Variants in MAGI1 observed in about 807,000 individuals in gnomAD.
The protein encoded by MAGI1 is membrane associated guanylate kinase, WW and PDZ domain containing 1.
MAGI1 carries 58 observed loss-of-function variants against 139.9 expected under a neutral mutation model. That is an observed-to-expected ratio of 0.41 (90% CI 0.34 to 0.52). The LOEUF is 0.52. MAGI1 is among the 20% of genes least tolerant of loss of function. The pLI, the probability that MAGI1 is intolerant of heterozygous loss-of-function variation, is 0.12. For synonymous variants in MAGI1, 812 were observed against 737.9 expected (o/e 1.10, Z -1.63); for missense variants, 1,874 against 1,901.6 (o/e 0.99, Z 0.27).
chr3:65,985,282 A>G (rs1025731005), intron 1 of MAGI1, among the ~76,000 whole-genome samples: 5 of 152,262 alleles, frequency 3.3e-5, no homozygotes. Context: ...AGGCCAGAGA[A>G]GCATTCAAGC....
At chr3:65,558,287 T>C (rs968168799) in intron 2 of MAGI1, among the ~76,000 whole-genome samples, 1 of 152,190 alleles carries the variant, frequency 6.6e-6, no homozygotes, top group African/African-American at 2.4e-5. Flanking sequence ...TTTATTGGCC[T>C]CCTCTCTGGA....
intron 4 of MAGI1, among the ~76,000 whole-genome samples, chr3:65,477,124 A>G (rs1208184502): frequency 6.6e-6 from 1 of 152,120 alleles, no homozygotes; most frequent in East Asian, 1.9e-4. Flanking sequence ...TAACAAACAA[A>G]TCTCCTCTGT....
chr3:65,979,079 T>G (rs1037583279), intron 1 of MAGI1, among the ~76,000 whole-genome samples: 1 of 93,496 alleles, frequency 1.1e-5, no homozygotes, highest in Non-Finnish European at 2.1e-5. Context: ...CAAAGTTTTT[T>G]TCTTTTCTTC....
intron 1 of MAGI1, among the ~76,000 whole-genome samples, chr3:65,694,000 C>T (rs1196613878): frequency 2.0e-5 from 3 of 152,090 alleles, no homozygotes; most frequent in East Asian, 1.9e-4. Context: ...GGATTACAGG[C>T]ATGAGCCACC....
chr3:65,406,966 C>T (rs982234245), intron 12 of MAGI1, among the ~76,000 whole-genome samples: 5 of 152,186 alleles, frequency 3.3e-5, no homozygotes, highest in Admixed American at 2.6e-4. Context: ...AGCACAATCT[C>T]AGACCACATG....
chr3:65,918,591 G>A (rs1012848547), intron 1 of MAGI1, among the ~76,000 whole-genome samples: 3 of 152,042 alleles, frequency 2.0e-5, no homozygotes, highest in Admixed American at 2.0e-4. Flanking sequence ...ATGTTGGTCA[G>A]GCTGGTCTCA....
intron 7 of MAGI1, among the ~76,000 whole-genome samples, chr3:65,446,556 A>G (rs10428087): frequency 0.75 from 100,282 of 133,414 alleles, 34,039 homozygotes; most frequent in East Asian, 0.96. Flanking sequence ...TCCTGTACAC[A>G]GCTGTGCTAT....
At chr3:65,631,899 C>T (rs964324513) in intron 1 of MAGI1, among the ~76,000 whole-genome samples, 1 of 151,984 alleles carries the variant, frequency 6.6e-6, no homozygotes, top group South Asian at 2.1e-4. Context: ...GTGGCAGGCA[C>T]CTGTAATCCC....
intron 5 of MAGI1, among the ~76,000 whole-genome samples, chr3:65,458,660 A>G (rs1949565252): frequency 6.6e-6 from 1 of 152,062 alleles, no homozygotes. Flanking sequence ...TCAGACTACT[A>G]GATTTTTCCA....
chr3:65,544,172 T>G (rs1057003420), intron 2 of MAGI1, among the ~76,000 whole-genome samples: 3 of 152,188 alleles, frequency 2.0e-5, no homozygotes, highest in Admixed American at 2.0e-4. Flanking sequence ...TATTTTTATA[T>G]TTTACAAATT....
chr3:65,921,005 G>C (rs2062152069), intron 1 of MAGI1, among the ~76,000 whole-genome samples: 1 of 151,928 alleles, frequency 6.6e-6, no homozygotes, highest in African/African-American at 2.4e-5. Flanking sequence ...CTCCAGCCTG[G>C]GTGACAGAGC....
chr3:65,664,177 A>G (rs1039043482), intron 1 of MAGI1, among the ~76,000 whole-genome samples: 1 of 152,184 alleles, frequency 6.6e-6, no homozygotes, highest in Non-Finnish European at 1.5e-5. Flanking sequence ...TATTTCACAG[A>G]ATGCTCATAA....
chr3:65,711,746 G>C (rs1353039225), intron 1 of MAGI1, among the ~76,000 whole-genome samples: 1 of 152,190 alleles, frequency 6.6e-6, no homozygotes, highest in African/African-American at 2.4e-5. Flanking sequence ...ATAACAGCAG[G>C]AGTCTGGCAG....
In MAGI1 at chr3:65,355,173, T is replaced by C. The variant is rs1295277209; in HGVS notation, c.*1205A>G. The C allele has an allele frequency of 6.6e-6, 1 of 152,378 alleles. No individual in the cohort carries two copies. The highest frequency in any genetic ancestry group is 1.5e-5 in the Non-Finnish European group (1 of 68,040). 9.4% of individuals were successfully genotyped at this position (152,378 alleles called of 1,614,324 possible). The stretch of plus-strand genomic sequence containing the variant: ...TTTAAAAATAAAAATTGTTATGTTT[T>C]GTGCTGCTGTCCAAAGGACTCAAAG... On this transcript the variant is annotated 3_prime_UTR_variant, in exon 23 of 23. Coordinates refer to ENST00000402939, the MANE Select transcript of MAGI1 (RefSeq NM_001033057.2).
intron 1 of MAGI1, among the ~76,000 whole-genome samples, chr3:65,990,426 C>A (rs543260963): frequency 6.6e-6 from 1 of 152,178 alleles, no homozygotes; most frequent in Non-Finnish European, 1.5e-5. Context: ...CAAAGAATGA[C>A]CCTCTGGTAA....
At chr3:65,982,105 G>A (rs970658296) in intron 1 of MAGI1, among the ~76,000 whole-genome samples, 11 of 152,328 alleles carry the variant, frequency 7.2e-5, no homozygotes, top group African/African-American at 2.4e-4. Flanking sequence ...AACAGTGAAG[G>A]AAGATTTTTC....
At chr3:65,995,865 G>A (rs2066418969) in intron 1 of MAGI1, among the ~76,000 whole-genome samples, 1 of 152,188 alleles carries the variant, frequency 6.6e-6, no homozygotes, top group Admixed American at 6.5e-5. Flanking sequence ...GCGTGTGGTA[G>A]CATGCACCTG....
intron 1 of MAGI1, among the ~76,000 whole-genome samples, chr3:65,909,168 T>G (rs2061557340): frequency 2.6e-5 from 4 of 152,260 alleles, no homozygotes; most frequent in Middle Eastern, 3.4e-3. Context: ...AAATTTTCTC[T>G]TCCCGTACTG....
At chr3:65,661,745 GTTTTT>G (rs11369893) in intron 1 of MAGI1, among the ~76,000 whole-genome samples, 2 of 93,918 alleles carry the variant, frequency 2.1e-5, no homozygotes, top group African/African-American at 8.5e-5. Context: ...GTTTTTTTCT[GTTTTT>G]TTTTTTTTTT....
Sources: gnomAD v4.1 joint callset for allele counts (sites outside exome capture counted in the v4.1 genomes callset) on GRCh38, gnomAD v4.1.1 for gene constraint, MANE v1.5 for transcripts, NCBI Gene and HGNC (gene_info 2026-07-23, HGNC 2026-07-21) for gene names.